ZSWIM6: variants seen among roughly 807,000 people sequenced by gnomAD.
ZSWIM6 encodes zinc finger SWIM-type containing 6.
ZSWIM6 carries 9 observed loss-of-function variants against 113.2 expected under a neutral mutation model. The observed-to-expected ratio is 0.08, with a 90% CI of 0.05 to 0.14. The LOEUF is 0.14. ZSWIM6 is among the 10% of genes least tolerant of loss of function. The pLI, the probability that ZSWIM6 is intolerant of heterozygous loss-of-function variation, is 1.00. For missense variants in ZSWIM6, 1,162 were observed against 1,552.2 expected (o/e 0.75, Z 4.22); for synonymous variants, 611 against 606.5 (o/e 1.01, Z -0.11).
At chr5:61,373,711 A>T (rs1745312865) in intron 1 of ZSWIM6, among the ~76,000 whole-genome samples, 1 of 152,100 alleles carries the variant, frequency 6.6e-6, no homozygotes, top group African/African-American at 2.4e-5. Context: ...TTAAGGCCAA[A>T]GTCTAAAATT....
chr5:61,517,761 T>C (rs1171011429), intron 4 of ZSWIM6, among the ~76,000 whole-genome samples: 1 of 146,552 alleles, frequency 6.8e-6, no homozygotes, highest in Non-Finnish European at 1.5e-5. Context: ...CTCAGGAGAT[T>C]TTTTTTTAAT....
chr5:61,371,307 T>C (rs1322080450), intron 1 of ZSWIM6, among the ~76,000 whole-genome samples: 2 of 152,236 alleles, frequency 1.3e-5, no homozygotes, highest in Non-Finnish European at 2.9e-5. Context: ...CTACACTTAT[T>C]ATGAAGATGT....
intron 1 of ZSWIM6, among the ~76,000 whole-genome samples, chr5:61,336,188 C>T (rs539587523): frequency 3.3e-5 from 5 of 152,090 alleles, no homozygotes; most frequent in African/African-American, 9.7e-5. Context: ...CACTTGAGCC[C>T]AGGAGGCAGA....
At position 61,472,861 on chromosome 5, in the gene ZSWIM6, C is replaced by T; in HGVS notation, c.857C>T (p.Pro286Leu). The T allele has an allele frequency of 6.4e-7, 1 of 1,551,700 alleles. No individual in the cohort carries two copies. Residue 286 changes from proline to leucine, a missense_variant, in exon 2 of 14, where the codon CCA (proline) becomes CTA (leucine). By Grantham distance (98) the Pro-to-Leu change is moderately conservative. Around this residue, in one of 4 missense-constraint regions of ZSWIM6, gnomAD observed 96 missense variants for 240.3 expected, o/e 0.40. Transcript: ENST00000252744. The surrounding 1 kb of genome is among the most constrained non-coding windows in gnomAD (Gnocchi z 4.1). ...CTGTCTTTATACCGCATCCGCAAGCCAGATCAGGTCAAACTGCATCTTCCT... is the reference window on the plus strand; with the variant it reads ...CTGTCTTTATACCGCATCCGCAAGCTAGATCAGGTCAAACTGCATCTTCCT... ...VALSLYRIRK[P>L]DQVKLHLPIS... is the part of the protein sequence containing the mutation.
chr5:61,352,649 T>G (rs536680673), intron 1 of ZSWIM6, among the ~76,000 whole-genome samples: 1 of 152,358 alleles, frequency 6.6e-6, no homozygotes, highest in East Asian at 1.9e-4. Flanking sequence ...ACCTTTATGG[T>G]TAGAGGCACT....
intron 7 of ZSWIM6, among the ~76,000 whole-genome samples, chr5:61,527,279 G>T (rs1282475219): frequency 6.6e-6 from 1 of 151,966 alleles, no homozygotes; most frequent in Non-Finnish European, 1.5e-5. Context: ...TAGCAGGTTC[G>T]TTTTCACTCT....
chr5:61,471,053 C>T (rs1307354413), intron 1 of ZSWIM6, among the ~76,000 whole-genome samples: 2 of 152,130 alleles, frequency 1.3e-5, no homozygotes, highest in Non-Finnish European at 2.9e-5. Context: ...TCCAGAGTCC[C>T]CACATGGTAG....
intron 1 of ZSWIM6, among the ~76,000 whole-genome samples, chr5:61,419,650 T>C (rs1403143989): frequency 6.6e-6 from 1 of 152,254 alleles, no homozygotes; most frequent in Non-Finnish European, 1.5e-5. Context: ...AGCTCAGGTA[T>C]AGAACATTTC....
At chr5:61,371,961 A>G (rs1745273401) in intron 1 of ZSWIM6, among the ~76,000 whole-genome samples, 1 of 152,232 alleles carries the variant, frequency 6.6e-6, no homozygotes, top group South Asian at 2.1e-4. Context: ...GAATGTTCTA[A>G]AAGTTCCCTA....
At chr5:61,416,876 T>A (rs1163530483) in intron 1 of ZSWIM6, among the ~76,000 whole-genome samples, 2 of 152,246 alleles carry the variant, frequency 1.3e-5, no homozygotes, top group Non-Finnish European at 2.9e-5. Flanking sequence ...TGGCTACGCC[T>A]GTAATCCCAG....
chr5:61,529,980 T>TC (rs1749387257), intron 7 of ZSWIM6, 72 bp from the exon 8 acceptor site: 1 of 1,346,416 alleles, frequency 7.4e-7, no homozygotes, highest in Admixed American at 2.5e-5. Flanking sequence ...TGGTAAAGCC[T>TC]CTGTTTTCCC....
intron 1 of ZSWIM6, among the ~76,000 whole-genome samples, chr5:61,454,979 T>G (rs1747172847): frequency 6.6e-6 from 1 of 151,982 alleles, no homozygotes; most frequent in Non-Finnish European, 1.5e-5. Flanking sequence ...AATCAGGCAT[T>G]CCTTTAAGGA....
At position 61,543,415 on chromosome 5, in the gene ZSWIM6, C is replaced by T; in HGVS notation, c.2786-40C>T. Reference sequence around the variant, plus strand: ...AAAATAAGGCAGGACCTCTGGGCAGCCTCCTCGTCAGTAATAGAGCCTGTT... The same window carrying T: ...AAAATAAGGCAGGACCTCTGGGCAGTCTCCTCGTCAGTAATAGAGCCTGTT... On this transcript the variant is annotated intron_variant, in intron 13 of 13. Coordinates refer to ENST00000252744, the MANE Select transcript of ZSWIM6 (RefSeq NM_020928.2). The surrounding 1 kb of genome is among the most constrained non-coding windows in gnomAD (Gnocchi z 4.3). 6.6e-7 allele frequency: 1 copy of T among 1,517,560 alleles called. No homozygotes were observed. 94.0% of individuals were successfully genotyped at this position (1,517,560 alleles called of 1,614,324 possible).
At chr5:61,381,169 C>T (rs924378402) in intron 1 of ZSWIM6, among the ~76,000 whole-genome samples, 2 of 152,234 alleles carry the variant, frequency 1.3e-5, no homozygotes, top group South Asian at 4.1e-4. Flanking sequence ...AGGAGAATCA[C>T]TTGAATCCGG....
rs190481079 is a variant in ZSWIM6, at chr5:61,441,219, G to A, written c.677-31462G>A. 3.5e-4 allele frequency among the ~76,000 whole-genome samples: 54 copies of A among 152,238 alleles called. No homozygotes were observed. In the East Asian group the frequency reaches 9.3e-3, roughly 26 times the overall value. On this transcript the variant is annotated intron_variant, in intron 1 of 13. Coordinates refer to ENST00000252744, the MANE Select transcript of ZSWIM6 (RefSeq NM_020928.2). ...CAGTTTAGGCAGTGGGTCAAAGTTC[G>A]AAGTTGATAGACTTGATAGCTTTTC... is the stretch of plus-strand genomic sequence containing the variant.
At chr5:61,423,970 T>G (rs933606398) in intron 1 of ZSWIM6, among the ~76,000 whole-genome samples, 1 of 152,226 alleles carries the variant, frequency 6.6e-6, no homozygotes, top group Non-Finnish European at 1.5e-5. Flanking sequence ...TCTGTGTCCT[T>G]AAATTCCTGT....
intron 1 of ZSWIM6, among the ~76,000 whole-genome samples, chr5:61,454,873 T>C (rs1317870428): frequency 2.0e-5 from 3 of 150,000 alleles, no homozygotes; most frequent in East Asian, 3.9e-4. Flanking sequence ...CGTGAGCCAC[T>C]GCCCCCAGTG....
At position 61,543,599 on chromosome 5, in the gene ZSWIM6, C is replaced by T. The variant is rs1415532445; in HGVS notation, c.2930C>T (p.Ala977Val). The change falls in exon 14 of 14, where the codon GCC (alanine) becomes GTC (valine). Residue 977 changes from alanine to valine, a missense_variant. Ala to Val is a moderately conservative substitution (Grantham distance 64, BLOSUM62 0). Transcript: ENST00000252744. This position sits in a 1 kb window ranked among gnomAD's most constrained non-coding sequence, Gnocchi z 4.3. ...GACTGCCACCAGCAGGAAAAGCTGG[C>T]CAGCAGCGCCCGGACACTTGCACTG... ...HLDCHQQEKL[A>V]SSARTLALQC... 1 of 1,551,770 alleles carries T rather than the reference C, an allele frequency of 6.4e-7. No homozygotes were observed. Among genetic ancestry groups the T allele is most frequent in the Admixed American group, 2.0e-5 (1 of 51,006 alleles).
At chr5:61,434,387 A>G (rs1746656855) in intron 1 of ZSWIM6, among the ~76,000 whole-genome samples, 2 of 151,774 alleles carry the variant, frequency 1.3e-5, no homozygotes, top group African/African-American at 4.8e-5. Flanking sequence ...ATTTTGGTGT[A>G]TCTGTCACCT....
Sources: allele counts gnomAD v4.1 joint callset (sites outside exome capture counted in the v4.1 genomes callset), GRCh38; gene constraint gnomAD v4.1.1; regional missense constraint gnomAD v4.1.1; non-coding constraint Gnocchi (gnomAD v3.1); transcripts MANE v1.5; gene names NCBI Gene and HGNC (gene_info 2026-07-23, HGNC 2026-07-21).